TRDN: variants seen among roughly 807,000 people sequenced by gnomAD.
TRDN encodes the protein triadin in skeletal muscle.
A neutral mutation model predicts 149.7 loss-of-function variants in TRDN; 161 were observed. The observed-to-expected ratio is 1.08, with a 90% CI of 0.95 to 1.23. The LOEUF (loss-of-function observed/expected upper bound fraction) is 1.23, where lower values mean the gene tolerates loss of function less well. Among genes scored for constraint, TRDN ranks in the 50% most tolerant of loss-of-function variants. The probability of loss-of-function intolerance (pLI) is 0.00; values close to 1 mark genes in which losing one functional copy is unlikely to be tolerated. For missense variants in TRDN, 896 were observed against 823.5 expected (o/e 1.09, Z -1.08); for synonymous variants, 294 against 250.5 (o/e 1.17, Z -1.64).
At chr6:123,230,088 T>C (rs1775541243) in intron 38 of TRDN, among the ~76,000 whole-genome samples, 1 of 151,972 alleles carries the variant, frequency 6.6e-6, no homozygotes, top group East Asian at 1.9e-4. Context: ...CATGCACACG[T>C]ATGTTTACAG....
intron 15 of TRDN, among the ~76,000 whole-genome samples, chr6:123,381,772 C>A (rs1781729134): frequency 6.6e-6 from 1 of 151,862 alleles, no homozygotes; most frequent in Non-Finnish European, 1.5e-5. Flanking sequence ...CTAATTGATG[C>A]CAGTCTATCA....
intron 21 of TRDN, among the ~76,000 whole-genome samples, chr6:123,347,227 A>G (rs533067912): frequency 6.6e-6 from 1 of 152,224 alleles, no homozygotes; most frequent in East Asian, 1.9e-4. Context: ...AAATTTTGCT[A>G]AGAGAATATA....
intron 12 of TRDN, among the ~76,000 whole-genome samples, chr6:123,427,222 T>C (rs1774160207): frequency 6.6e-6 from 1 of 151,674 alleles, no homozygotes; most frequent in African/African-American, 2.4e-5. Flanking sequence ...TCAGGTTATA[T>C]ATAGTGAACA....
At chr6:123,547,905 C>T (rs1368023102) in intron 3 of TRDN, among the ~76,000 whole-genome samples, 1 of 151,952 alleles carries the variant, frequency 6.6e-6, no homozygotes, top group African/African-American at 2.4e-5. Flanking sequence ...TGAGAGAGCA[C>T]ATAGGTTAGT....
intron 9 of TRDN, among the ~76,000 whole-genome samples, chr6:123,466,268 T>G (rs2114716149): frequency 6.6e-6 from 1 of 152,300 alleles, no homozygotes; most frequent in South Asian, 2.1e-4. Context: ...AAAAGAAGGT[T>G]GATCCACATT....
At chr6:123,491,499 C>A (rs1778215167) in intron 9 of TRDN, among the ~76,000 whole-genome samples, 1 of 152,064 alleles carries the variant, frequency 6.6e-6, no homozygotes, top group Admixed American at 6.5e-5. Context: ...CTTTCACTTT[C>A]CCTTTATTTC....
chr6:123,344,301 A>G (rs1277430176), intron 21 of TRDN, among the ~76,000 whole-genome samples: 2 of 152,078 alleles, frequency 1.3e-5, no homozygotes, highest in African/African-American at 4.8e-5. Flanking sequence ...TCCATAGTTT[A>G]CATTAGGGTT....
intron 7 of TRDN, among the ~76,000 whole-genome samples, chr6:123,508,468 C>A (rs1302596975): frequency 2.0e-5 from 3 of 152,158 alleles, no homozygotes; most frequent in African/African-American, 7.2e-5. Flanking sequence ...ACCTCTGCCA[C>A]ATCATCAAAC....
chr6:123,587,258 A>T (rs1333325149), intron 1 of TRDN, among the ~76,000 whole-genome samples: 2 of 152,182 alleles, frequency 1.3e-5, no homozygotes, highest in African/African-American at 4.8e-5. Context: ...CAATGATTAA[A>T]CACCAAGGGA....
intron 38 of TRDN, among the ~76,000 whole-genome samples, chr6:123,251,788 T>A (rs990489415): frequency 1.3e-5 from 2 of 152,026 alleles, no homozygotes; most frequent in African/African-American, 2.4e-5. Flanking sequence ...ATAGAATTTC[T>A]ATCTGTACCT....
intron 12 of TRDN, among the ~76,000 whole-genome samples, chr6:123,433,531 C>T (rs1774429225): frequency 6.6e-6 from 1 of 151,828 alleles, no homozygotes; most frequent in Non-Finnish European, 1.5e-5. Flanking sequence ...AAGATGCATG[C>T]ATGCATGAAT....
chr6:123,456,958 A>G (rs997808181), intron 10 of TRDN: 9 of 409,502 alleles, frequency 2.2e-5, no homozygotes, highest in African/African-American at 1.9e-4. Context: ...ATAAGGAAAA[A>G]TTGGTACTTG....
intron 1 of TRDN, among the ~76,000 whole-genome samples, chr6:123,608,621 TA>T (rs1325882359): frequency 2.0e-5 from 3 of 152,166 alleles, no homozygotes; most frequent in African/African-American, 4.8e-5. Flanking sequence ...TATGCAACTT[TA>T]AAAATGATAT....
At chr6:123,349,438 C>T (rs747229098) in intron 21 of TRDN, 18 of 764,438 alleles carry the variant, frequency 2.4e-5, no homozygotes, top group South Asian at 1.2e-4. Context: ...AACCAAAGCA[C>T]GAAGTATTGT....
chr6:123,594,724 C>G (rs1345501257), intron 1 of TRDN, among the ~76,000 whole-genome samples: 1 of 150,050 alleles, frequency 6.7e-6, no homozygotes, highest in Non-Finnish European at 1.5e-5. Flanking sequence ...GATTAATAAA[C>G]AACTGAAAAT....
intron 1 of TRDN, among the ~76,000 whole-genome samples, chr6:123,573,934 A>C (rs1176458544): frequency 1.3e-5 from 2 of 151,996 alleles, no homozygotes; most frequent in Non-Finnish European, 2.9e-5. Flanking sequence ...TACTTTAGTT[A>C]ATAAAGTCTT....
intron 9 of TRDN, among the ~76,000 whole-genome samples, chr6:123,485,618 C>A (rs1777938112): frequency 6.6e-6 from 1 of 151,996 alleles, no homozygotes; most frequent in Non-Finnish European, 1.5e-5. Flanking sequence ...AATCACAATT[C>A]TGCTATATAT....
intron 4 of TRDN, among the ~76,000 whole-genome samples, chr6:123,534,794 A>T (rs916939939): frequency 4.6e-5 from 7 of 152,316 alleles, no homozygotes; most frequent in South Asian, 2.1e-4. Context: ...CACTTAATAT[A>T]ACATGAAATA....
chr6:123,401,684 C>G (rs563861116), intron 12 of TRDN, among the ~76,000 whole-genome samples: 1 of 152,206 alleles, frequency 6.6e-6, no homozygotes, highest in South Asian at 2.1e-4. Context: ...GTGCCTCATG[C>G]CTATAATCCC....
Sources: gnomAD v4.1 joint callset for allele counts (sites outside exome capture counted in the v4.1 genomes callset) on GRCh38, gnomAD v4.1.1 for gene constraint, MANE v1.5 for transcripts, NCBI Gene and HGNC (gene_info 2026-07-23, HGNC 2026-07-21) for gene names.